The following KAT6B variants were observed in gnomAD, a reference collection of about 807,000 sequenced individuals.
KAT6B encodes histone acetyltransferase KAT6B.
A neutral mutation model predicts 187.5 loss-of-function variants in KAT6B; 10 were observed. That is an observed-to-expected ratio of 0.05 (90% CI 0.03 to 0.09). KAT6B has a LOEUF of 0.09. Among genes scored for constraint, KAT6B ranks in the 10% least tolerant of loss-of-function variants. The probability of loss-of-function intolerance (pLI) is 1.00; values close to 1 mark genes in which losing one functional copy is unlikely to be tolerated. For missense variants in KAT6B, 1,952 were observed against 2,558.9 expected (o/e 0.76, Z 5.12); for synonymous variants, 861 against 926.8 (o/e 0.93, Z 1.29).
At chr10:74,988,290 T>C (rs942870654) in intron 12 of KAT6B, among the ~76,000 whole-genome samples, 2 of 152,224 alleles carry the variant, frequency 1.3e-5, no homozygotes, top group Non-Finnish European at 2.9e-5. Context: ...CCACATCCCA[T>C]GAAAGTTGCA....
chr10:74,826,849 G>A (rs533936773), intron 1 of KAT6B, 64 bp downstream of exon 1: 1 of 151,732 alleles, frequency 6.6e-6, no homozygotes, highest in Non-Finnish European at 1.5e-5. Context: ...GAACAGACGG[G>A]GGGGGATTCA....
chr10:74,902,051 T>A (rs1846437408), intron 3 of KAT6B, among the ~76,000 whole-genome samples: 1 of 152,116 alleles, frequency 6.6e-6, no homozygotes, highest in South Asian at 2.1e-4. Flanking sequence ...CTTTTCTCTG[T>A]CTCTGTCTTG....
chr10:74,993,775 A>C (rs1843256221), intron 13 of KAT6B, among the ~76,000 whole-genome samples: 1 of 152,156 alleles, frequency 6.6e-6, no homozygotes, highest in Non-Finnish European at 1.5e-5. Flanking sequence ...TTTATTTTGT[A>C]TGGTGTGCCT....
At position 74,877,224 on chromosome 10, in the gene KAT6B, C is replaced by T. The variant is rs566012260; in HGVS notation, c.621+33746C>T. The stretch of plus-strand genomic sequence containing the variant: ...CAGATAATCTGCCCACCTCCGTCTC[C>T]CAAAGTGCTGGGATTACAGGCATGA... On this transcript the variant is annotated intron_variant, in intron 3 of 17. Coordinates refer to ENST00000287239, the MANE Select transcript of KAT6B (RefSeq NM_012330.4). 2.0e-5 allele frequency among the ~76,000 whole-genome samples: 3 copies of T among 152,262 alleles called. No homozygotes were observed. The East Asian group carries it at 5.8e-4, about 29-fold the overall frequency.
At chr10:74,984,526 C>T in intron 11 of KAT6B, 1 of 155,330 alleles carries the variant, frequency 6.4e-6, no homozygotes, top group Non-Finnish European at 1.4e-5. Flanking sequence ...GTAAGTATTC[C>T]CAACATAGAT....
At chr10:74,854,506 C>T (rs1429873513) in intron 3 of KAT6B, among the ~76,000 whole-genome samples, 1 of 151,450 alleles carries the variant, frequency 6.6e-6, no homozygotes, top group African/African-American at 2.4e-5. Flanking sequence ...TTTGATAAAT[C>T]TGCAAAATGA....
intron 3 of KAT6B, among the ~76,000 whole-genome samples, chr10:74,958,198 A>G (rs1840823545): frequency 6.6e-6 from 1 of 152,216 alleles, no homozygotes; most frequent in Non-Finnish European, 1.5e-5. Context: ...CATTATAACC[A>G]TTGATTTTTT....
intron 3 of KAT6B, among the ~76,000 whole-genome samples, chr10:74,861,149 A>C (rs909230653): frequency 2.0e-5 from 3 of 151,990 alleles, no homozygotes; most frequent in Non-Finnish European, 2.9e-5. Context: ...AAAAAAAAAA[A>C]ACATTAGCCG....
intron 3 of KAT6B, among the ~76,000 whole-genome samples, chr10:74,930,768 T>G (rs1848813682): frequency 6.6e-6 from 1 of 152,206 alleles, no homozygotes; most frequent in African/African-American, 2.4e-5. Flanking sequence ...GGGTTGGAGT[T>G]TCCATCTTTT....
rs1264837753 is a variant in KAT6B at position 75,022,148 on chromosome 10, GA to G, written c.3291del (p.Glu1098LysfsTer16). The G allele has an allele frequency of 7.3e-6, 8 of 1,093,296 alleles. No homozygotes were observed. The highest frequency in any genetic ancestry group is 9.0e-6 in the Non-Finnish European group (8 of 891,548). 67.7% of individuals were successfully genotyped at this position (1,093,296 alleles called of 1,614,324 possible). ...AGAGGATGAAGAGGAGGAAGAAGAG[GA>G]AGAAGAAGAAGAAGAAGAAGAAAAT... ...EEEDEEEEEE[E>X]EEEEEEENIQ... On this transcript the variant is annotated frameshift_variant, in exon 16 of 18. Coordinates refer to ENST00000287239, the MANE Select transcript of KAT6B (RefSeq NM_012330.4). LOFTEE classifies it high-confidence loss of function.
At chr10:74,938,874 T>C (rs1849453463) in intron 3 of KAT6B, among the ~76,000 whole-genome samples, 1 of 152,004 alleles carries the variant, frequency 6.6e-6, no homozygotes, top group Non-Finnish European at 1.5e-5. Flanking sequence ...GTAGCTGAGA[T>C]TACAGGTGCC....
chr10:74,847,675 AT>A (rs745683319), intron 3 of KAT6B, among the ~76,000 whole-genome samples: 15 of 151,308 alleles, frequency 9.9e-5, no homozygotes, highest in African/African-American at 1.7e-4. Flanking sequence ...AAAAAAAAAA[AT>A]AAATAAATAA....
chr10:74,835,392 C>G (rs1306365355), intron 1 of KAT6B, among the ~76,000 whole-genome samples: 1 of 152,184 alleles, frequency 6.6e-6, no homozygotes, highest in Non-Finnish European at 1.5e-5. Flanking sequence ...AGGAACACTT[C>G]CTTTAAAGCG....
At chr10:74,838,344 G>A (rs1350398792) in intron 1 of KAT6B, among the ~76,000 whole-genome samples, 2 of 152,114 alleles carry the variant, frequency 1.3e-5, no homozygotes, top group East Asian at 3.9e-4. Context: ...GGCTATTTGA[G>A]TAGTAGTGGG....
At chr10:74,868,545 G>C (rs986803696) in intron 3 of KAT6B, among the ~76,000 whole-genome samples, 1 of 152,154 alleles carries the variant, frequency 6.6e-6, no homozygotes, top group Non-Finnish European at 1.5e-5. Context: ...CTCAGAGAAA[G>C]TGACTTTAGC....
Position 74,880,816 on chromosome 10 carries a change from A to G in KAT6B, c.621+37338A>G, listed in dbSNP as rs192477895. On this transcript the variant is annotated intron_variant, in intron 3 of 17. Transcript: ENST00000287239. Reference sequence around the variant, plus strand: ...TTTTTAGTAGAGACGGGGTTTCACCATGTTGGCCAGGCTGGTCTCGAACTC... The same window carrying G: ...TTTTTAGTAGAGACGGGGTTTCACCGTGTTGGCCAGGCTGGTCTCGAACTC... 4.1e-3 allele frequency among the ~76,000 whole-genome samples: 629 copies of G among 152,050 alleles called. 7 individuals carry two copies. Among genetic ancestry groups the G allele is most frequent in the African/African-American group, 0.013 (552 of 41,458 alleles).
chr10:74,972,722 G>A, intron 7 of KAT6B, 83 bp downstream of exon 7: 3 of 1,284,566 alleles, frequency 2.3e-6, no homozygotes, highest in South Asian at 2.6e-5. Flanking sequence ...ATTCCTTTAG[G>A]GGTTTTTTGG....
chr10:74,829,484 G>A (rs1164728672), intron 1 of KAT6B, among the ~76,000 whole-genome samples: 1 of 146,698 alleles, frequency 6.8e-6, no homozygotes. Context: ...AGACAGTCTT[G>A]CTCTGTTGCC....
At chr10:74,979,076 A>G (rs964120579) in intron 9 of KAT6B, 148 bp from the exon 10 acceptor site, 1 of 587,056 alleles carries the variant, frequency 1.7e-6, no homozygotes, top group South Asian at 2.5e-5. Flanking sequence ...AACCTATTTC[A>G]TAAGGGTCTA....
Sources: allele counts gnomAD v4.1 joint callset (sites outside exome capture counted in the v4.1 genomes callset), GRCh38; gene constraint gnomAD v4.1.1; transcripts MANE v1.5; gene names NCBI Gene and HGNC (gene_info 2026-07-23, HGNC 2026-07-21).